Variants in SEMA6D observed in about 807,000 individuals in gnomAD.
SEMA6D encodes semaphorin 6D.
SEMA6D carries 35 observed loss-of-function variants against 106.6 expected under a neutral mutation model. The ratio of observed to expected loss-of-function variants is 0.33; its 90% CI spans 0.25 to 0.44. The LOEUF (loss-of-function observed/expected upper bound fraction) is 0.44. Ranked by LOEUF, SEMA6D falls within the 20% of genes least tolerant of loss-of-function variation. The pLI is 1.00. For missense variants in SEMA6D, 1,185 were observed against 1,345.9 expected, an observed-to-expected ratio of 0.88 and a Z score of 1.87; for synonymous variants, 499 against 487.7, an observed-to-expected ratio of 1.02 and a Z score of -0.31.
chr15:47,602,573 A>G (rs2076685846), intron 4 of SEMA6D, among the ~76,000 whole-genome samples: 1 of 151,982 alleles, frequency 6.6e-6, no homozygotes, highest in African/African-American at 2.4e-5. Flanking sequence ...CTTATTTCTA[A>G]GCCAGAAATC....
chr15:47,268,607 A>G (rs943587087), intron 1 of SEMA6D, among the ~76,000 whole-genome samples: 2 of 152,128 alleles, frequency 1.3e-5, no homozygotes, highest in African/African-American at 4.8e-5. Flanking sequence ...TTGTCCTTGG[A>G]AATGGCCAGC....
chr15:47,579,793 T>G (rs1166071296), intron 3 of SEMA6D, among the ~76,000 whole-genome samples: 1 of 152,190 alleles, frequency 6.6e-6, no homozygotes, highest in Non-Finnish European at 1.5e-5. Flanking sequence ...GTAATTACTT[T>G]GCCACTCCAC....
intron 1 of SEMA6D, among the ~76,000 whole-genome samples, chr15:47,311,037 A>G (rs1027676235): frequency 3.3e-5 from 5 of 152,212 alleles, no homozygotes; most frequent in African/African-American, 9.6e-5. Flanking sequence ...TATTACTTCA[A>G]TTTGGAATTT....
chr15:47,213,276 T>C (rs1309115473), intron 1 of SEMA6D, among the ~76,000 whole-genome samples: 1 of 152,198 alleles, frequency 6.6e-6, no homozygotes, highest in East Asian at 1.9e-4. Context: ...ACAGCATTGC[T>C]CTTAAACAAT....
At position 47,749,426 on chromosome 15, in the gene SEMA6D, T is replaced by C. The variant is rs576304495; in HGVS notation, c.-54-10319T>C. Among the ~76,000 whole-genome samples the C allele has an allele frequency of 5.3e-5, 8 of 152,242 alleles. No individual in the cohort carries two copies. In the South Asian group the frequency reaches 1.7e-3, roughly 32 times the overall value. ...GGCGCAAGGGGTTTGGCTACATGCTTTATATAGGTTATCTCATTCAGTAAT... is the reference window on the plus strand; with the variant it reads ...GGCGCAAGGGGTTTGGCTACATGCTCTATATAGGTTATCTCATTCAGTAAT... On this transcript the variant is annotated intron_variant, in intron 1 of 18. Transcript: ENST00000536845.
chr15:47,196,435 A>G (rs1384387193), intron 1 of SEMA6D, among the ~76,000 whole-genome samples: 2 of 152,192 alleles, frequency 1.3e-5, no homozygotes, highest in East Asian at 1.9e-4. Flanking sequence ...TTGTGTGCCA[A>G]AAGAGATCTT....
intron 2 of SEMA6D, among the ~76,000 whole-genome samples, chr15:47,436,285 G>C (rs1230034548): frequency 6.6e-6 from 1 of 151,914 alleles, no homozygotes; most frequent in Non-Finnish European, 1.5e-5. Context: ...AGCTATTTGG[G>C]AGGCTAAGGC....
intron 1 of SEMA6D, chr15:47,274,338 G>T (rs529780593): frequency 6.6e-6 from 1 of 152,070 alleles, no homozygotes; most frequent in Non-Finnish European, 1.5e-5. Context: ...CCTGAAAGAA[G>T]CTTTCATGTC....
At chr15:47,761,893 C>A in intron 7 of SEMA6D, 142 bp downstream of exon 7, 2 of 750,340 alleles carry the variant, frequency 2.7e-6, no homozygotes, top group Non-Finnish European at 4.2e-6. Context: ...GCACAAATTT[C>A]CAAAAAAAGA....
rs72735852 is a variant in SEMA6D, at chr15:47,718,005, G to A, written c.-55+313G>A. Among the ~76,000 whole-genome samples the A allele has an allele frequency of 3.6e-3, 547 of 152,278 alleles. 1 individual carries two copies. Among genetic ancestry groups the A allele is most frequent in the Non-Finnish European group, 5.3e-3 (363 of 68,028 alleles). On this transcript the variant is annotated intron_variant, in intron 1 of 18. Transcript: ENST00000536845. The stretch of plus-strand genomic sequence containing the variant: ...GCAAAGCTGGCGGCTTAGGGGGAGG[G>A]GCAAGTGGACTTGGAGGCCCTCCTC...
At chr15:47,358,512 G>A (rs1384726350) in intron 1 of SEMA6D, among the ~76,000 whole-genome samples, 1 of 152,200 alleles carries the variant, frequency 6.6e-6, no homozygotes, top group Non-Finnish European at 1.5e-5. Context: ...TGGGGAAGAG[G>A]TAAAGGAATG....
In SEMA6D at chr15:47,213,862, C is replaced by T. The variant is rs528171903; in HGVS notation, c.-239+29444C>T. Among the ~76,000 whole-genome samples the T allele has an allele frequency of 3.1e-3, 478 of 152,172 alleles. 6 individuals carry two copies. The highest frequency in any genetic ancestry group is 0.011 in the African/African-American group (448 of 41,520). ...TTTGTTGCTATTGATAAAGTGTCAACATTTGCAAATTATTCCCTCTTTTTA... is the reference window on the plus strand; with the variant it reads ...TTTGTTGCTATTGATAAAGTGTCAATATTTGCAAATTATTCCCTCTTTTTA... On this transcript the variant is annotated intron_variant, in intron 1 of 19. Transcript: ENST00000558014.
At chr15:47,343,489 G>A (rs866974232) in intron 1 of SEMA6D, among the ~76,000 whole-genome samples, 2 of 149,228 alleles carry the variant, frequency 1.3e-5, no homozygotes, top group South Asian at 2.1e-4. Context: ...TCCCATCTAT[G>A]AGTGAGAACA....
At chr15:47,675,945 T>C (rs984745581) in intron 4 of SEMA6D, among the ~76,000 whole-genome samples, 2 of 24,458 alleles carry the variant, frequency 8.2e-5, no homozygotes, top group African/African-American at 3.2e-4. Context: ...TTTGATGGAA[T>C]GGGGAGGGGG....
At chr15:47,191,045 C>T (rs1374793816) in intron 1 of SEMA6D, among the ~76,000 whole-genome samples, 7 of 152,020 alleles carry the variant, frequency 4.6e-5, no homozygotes, top group South Asian at 2.1e-4. Flanking sequence ...CAGTCATACA[C>T]GCCTGTACTC....
chr15:47,381,643 T>G (rs2039644199), intron 1 of SEMA6D, among the ~76,000 whole-genome samples: 1 of 152,186 alleles, frequency 6.6e-6, no homozygotes, highest in African/African-American at 2.4e-5. Flanking sequence ...ATGAAAATAT[T>G]TTTTAGCAGA....
intron 1 of SEMA6D, among the ~76,000 whole-genome samples, chr15:47,325,159 GT>G (rs35598744): frequency 0.53 from 79,518 of 149,116 alleles, 23,915 homozygotes; most frequent in African/African-American, 0.84. Flanking sequence ...AGGGTGAAGC[GT>G]TTTTTTTTTG....
intron 1 of SEMA6D, among the ~76,000 whole-genome samples, chr15:47,297,206 T>C (rs1378581228): frequency 6.6e-6 from 1 of 152,196 alleles, no homozygotes; most frequent in Non-Finnish European, 1.5e-5. Context: ...AAATATATAT[T>C]TGTCTTGGAA....
At chr15:47,484,303 A>G (rs1164850632) in intron 3 of SEMA6D, among the ~76,000 whole-genome samples, 2 of 152,132 alleles carry the variant, frequency 1.3e-5, no homozygotes, top group South Asian at 2.1e-4. Context: ...CTCAGCAGGA[A>G]CAGTGCGGAG....
Sources: gnomAD v4.1 joint callset for allele counts (sites outside exome capture counted in the v4.1 genomes callset) on GRCh38, gnomAD v4.1.1 for gene constraint, MANE v1.5 for transcripts, NCBI Gene and HGNC (gene_info 2026-07-23, HGNC 2026-07-21) for gene names.